DLL1: variants seen among roughly 807,000 people sequenced by gnomAD.
DLL1 encodes delta like canonical Notch ligand 1.
In DLL1, 9 loss-of-function variants were observed where a neutral mutation model predicts 75.1. That is an observed-to-expected ratio of 0.12 (90% CI 0.07 to 0.21). The LOEUF (loss-of-function observed/expected upper bound fraction) is 0.21, where lower values mean the gene tolerates loss of function less well. Among genes scored for constraint, DLL1 ranks in the 10% least tolerant of loss-of-function variants. The pLI is 1.00. For missense variants in DLL1, 837 were observed against 1,007.6 expected, an observed-to-expected ratio of 0.83 and a Z score of 2.29; for synonymous variants, 477 against 418.3, an observed-to-expected ratio of 1.14 and a Z score of -1.71.
In DLL1 at chr6:170,291,015, G is replaced by T. The variant is rs916741086; in HGVS notation, c.-876C>A. On this transcript the variant is annotated 5_prime_UTR_variant, in exon 1 of 11. Transcript: ENST00000366756. ...CAAATCAGCAGCCCCCCAATCTGGC[G>T]AGAGCTGTCACAAAGGAGCCACTTT... 1 of 701,940 alleles carries T rather than the reference G, an allele frequency of 1.4e-6. No homozygotes were observed. The highest frequency in any genetic ancestry group is 1.5e-5 in the South Asian group (1 of 67,588). The allele number at this position is 701,940 out of a possible 1,614,324, so 43.5% of individuals were successfully genotyped here.
chr6:170,284,775 G>C, intron 8 of DLL1, 144 bp downstream of exon 8: 1 of 887,398 alleles, frequency 1.1e-6, no homozygotes. Flanking sequence ...CAGACTCAAA[G>C]ATAGAGTTTC....
At chr6:170,289,466 C>A (rs749121826) in intron 2 of DLL1, 46 bp downstream of exon 2, 5 of 1,524,546 alleles carry the variant, frequency 3.3e-6, no homozygotes, top group East Asian at 5.1e-5. Flanking sequence ...TCCTGCAGCC[C>A]GCCCAGCTTC....
intron 2 of DLL1, chr6:170,289,210 T>A (rs911521151): frequency 4.6e-6 from 3 of 650,538 alleles, no homozygotes; most frequent in Non-Finnish European, 8.4e-6. Context: ...CCTTCCCACG[T>A]GAAGGGGCGC....
intron 2 of DLL1, 167 bp downstream of exon 2, chr6:170,289,345 C>T: frequency 8.6e-7 from 1 of 1,164,852 alleles, no homozygotes; most frequent in Non-Finnish European, 1.2e-6. Flanking sequence ...GGTGTCCGCG[C>T]TGCTGGGCTG....
chr6:170,285,911 A>G (rs950099939), intron 5 of DLL1, among the ~76,000 whole-genome samples: 2 of 152,256 alleles, frequency 1.3e-5, no homozygotes, highest in African/African-American at 4.8e-5. Context: ...CAGTGTCAGC[A>G]TCTCAAAAAT....
At chr6:170,287,510 G>A (rs1466764429) in intron 4 of DLL1, among the ~76,000 whole-genome samples, 1 of 152,210 alleles carries the variant, frequency 6.6e-6, no homozygotes, top group Non-Finnish European at 1.5e-5. Flanking sequence ...AGCCAGCACG[G>A]CCCCAACCCT....
Position 170,283,844 on chromosome 6 carries a change from T to C in DLL1, c.1435A>G (p.Ser479Gly). ...CPPGYTGRNC[S>G]APVSRCEHAP... ...TGCTCGCACCTGCTGACGGGGGCACTGCAGTTCCTGCCCGTGTAGCCAGGC... is the reference window on the plus strand; with the variant it reads ...TGCTCGCACCTGCTGACGGGGGCACCGCAGTTCCTGCCCGTGTAGCCAGGC... Residue 479 changes from serine to glycine, a missense_variant, in exon 9 of 11, where the codon AGT becomes GGT. Around this residue, in one of 2 missense-constraint regions of DLL1, gnomAD observed 533 missense variants for 545.7 expected, o/e 0.98. Transcript: ENST00000366756. 6.2e-7 allele frequency: 1 copy of C among 1,604,424 alleles called. No homozygotes were observed.
chr6:170,286,441 C>G, intron 4 of DLL1, 143 bp from the exon 5 acceptor site: 1 of 1,006,130 alleles, frequency 9.9e-7, no homozygotes, highest in Non-Finnish European at 1.6e-6. Context: ...GGAGGACTGA[C>G]CCCCCTGCCT....
chr6:170,289,037 GT>G lies in DLL1; in HGVS notation c.352-249del, dbSNP rs1262343948. The G allele has an allele frequency of 4.9e-6, 3 of 607,062 alleles. No homozygotes were observed. The African/African-American group carries it at 5.6e-5, about 11-fold the overall frequency. The allele number at this position is 607,062 out of a possible 1,614,324, so 37.6% of individuals were successfully genotyped here. A position where few individuals can be genotyped will look rare whatever the true frequency, so the allele number is the denominator to read the frequency against. On this transcript the variant is annotated intron_variant, in intron 2 of 10. Coordinates refer to ENST00000366756, the MANE Select transcript of DLL1 (RefSeq NM_005618.4). ...AGCCTGTACTACAGGATATTACGTT[GT>G]TTTTTTAATTAGAGAGAGAGAGAGA...
chr6:170,282,708 G>A lies in DLL1; in HGVS notation c.*166C>T, dbSNP rs766480549. On this transcript the variant is annotated 3_prime_UTR_variant, in exon 11 of 11. Coordinates refer to ENST00000366756, the MANE Select transcript of DLL1 (RefSeq NM_005618.4). ...GGCGGCCGGGCCGCGACAGGCTGTC[G>A]GCAGGCGTCGAGGACCTCAGGAGGA... is the stretch of plus-strand genomic sequence containing the variant. 285 of 1,166,942 alleles carry A rather than the reference G, an allele frequency of 2.4e-4. No homozygotes were observed. Among genetic ancestry groups the A allele is most frequent in the Middle Eastern group, 2.0e-3 (7 of 3,526 alleles). The allele number at this position is 1,166,942 out of a possible 1,614,324, so 72.3% of individuals were successfully genotyped here. A position where few individuals can be genotyped will look rare whatever the true frequency, so the allele number is the denominator to read the frequency against.
In DLL1 at chr6:170,285,052, G is replaced by T. The variant is rs757878599; in HGVS notation, c.1116C>A (p.Asp372Glu). The change falls in exon 8 of 11, where the codon GAC becomes GAA. Residue 372 changes from aspartate to glutamate, a missense_variant. Transcript: ENST00000366756. ...ICELSAMTCADGPCFNGGRCS... is the reference protein window; with the variant it reads ...ICELSAMTCAEGPCFNGGRCS... ...ACCGACCCCCGTTAAAGCAAGGGCC[G>T]TCCGCACAGGTCATGGCACTCAATT... 2 of 1,614,024 alleles carry T rather than the reference G, an allele frequency of 1.2e-6. No individual in the cohort carries two copies. Among genetic ancestry groups the T allele is most frequent in the Non-Finnish European group, 1.7e-6 (2 of 1,180,050 alleles).
chr6:170,290,769 T>G lies in DLL1; in HGVS notation c.-630A>C, dbSNP rs1431676923. On this transcript the variant is annotated 5_prime_UTR_variant, in exon 1 of 11. Transcript: ENST00000366756. The surrounding 1 kb of genome is among the most constrained non-coding windows in gnomAD (Gnocchi z 4.7). ...CCGATCTCCGGTGTCACAGCAAAGATCCGCGTCTTTCCGATGAATCCAGCC... is the reference window on the plus strand; with the variant it reads ...CCGATCTCCGGTGTCACAGCAAAGAGCCGCGTCTTTCCGATGAATCCAGCC... 3.9e-6 allele frequency: 2 copies of G among 508,742 alleles called. No individual in the cohort carries two copies. Among genetic ancestry groups the G allele is most frequent in the Admixed American group, 3.5e-5 (1 of 28,696 alleles). The allele number at this position is 508,742 out of a possible 1,614,324, so 31.5% of individuals were successfully genotyped here.
Position 170,288,285 on chromosome 6 carries a change from C to T in DLL1, c.624G>A (p.Gly208=), listed in dbSNP as rs774286075. Residue 208 remains glycine, a synonymous_variant, in exon 4 of 11, where the codon GGG becomes GGA. Transcript: ENST00000366756. The stretch of plus-strand genomic sequence containing the variant: ...TCCAGCCAGGGTTGCACACTTTCTC[C>T]CCACGCTCCCCACAGGTGAAGTGGC... ...AFGHFTCGER[G]EKVCNPGWKG... is the part of the protein sequence containing the mutation. The T allele has an allele frequency of 6.2e-7, 1 of 1,614,028 alleles. No homozygotes were observed. Among genetic ancestry groups the T allele is most frequent in the South Asian group, 1.1e-5 (1 of 91,086 alleles).
At chr6:170,286,572 G>T (rs1012295914) in intron 4 of DLL1, among the ~76,000 whole-genome samples, 3 of 151,724 alleles carry the variant, frequency 2.0e-5, no homozygotes, top group South Asian at 2.1e-4. Context: ...CTAAGAGAGG[G>T]TCAGAAGTCT....
At chr6:170,288,013 C>T (rs370075316) in intron 4 of DLL1, among the ~76,000 whole-genome samples, 56 of 152,234 alleles carry the variant, frequency 3.7e-4, no homozygotes, top group African/African-American at 1.2e-3. Context: ...AAGGCAGTTC[C>T]GATAGTGGAT....
chr6:170,290,683 C>T lies in DLL1; in HGVS notation c.-544G>A, dbSNP rs1783842708. 3.2e-6 allele frequency: 1 copy of T among 309,000 alleles called. No individual in the cohort carries two copies. The highest frequency in any genetic ancestry group is 5.6e-5 in the Admixed American group (1 of 17,956). 19.1% of individuals were successfully genotyped at this position (309,000 alleles called of 1,614,324 possible). ...GCGGCGGCGGGTGTGCGCGGCGGCC[C>T]CTGCGGATCGCGGCCCGGTGTCACT... On this transcript the variant is annotated 5_prime_UTR_variant, in exon 1 of 11. Coordinates refer to ENST00000366756, the MANE Select transcript of DLL1 (RefSeq NM_005618.4). The surrounding 1 kb of genome is among the most constrained non-coding windows in gnomAD (Gnocchi z 4.7).
At chr6:170,289,969 C>T (rs1320940631) in intron 1 of DLL1, 117 bp downstream of exon 1, 3 of 1,332,178 alleles carry the variant, frequency 2.3e-6, no homozygotes, top group East Asian at 3.1e-5. Flanking sequence ...ATTCATCTTC[C>T]GGGCCGTGGC....
chr6:170,290,024 C>A lies in DLL1; in HGVS notation c.54+62G>T, dbSNP rs988894780. ...GTCCGCCCCTCCCCGCGCGCTCCTG[C>A]CCCGCGCCCCGGCTACCCGTGAGAC... On this transcript the variant is annotated intron_variant, in intron 1 of 10. Coordinates refer to ENST00000366756, the MANE Select transcript of DLL1 (RefSeq NM_005618.4). The surrounding 1 kb of genome is among the most constrained non-coding windows in gnomAD (Gnocchi z 4.7). 4 of 1,505,240 alleles carry A rather than the reference C, an allele frequency of 2.7e-6. No homozygotes were observed. The African/African-American group carries it at 5.8e-5, about 22-fold the overall frequency. 93.2% of individuals were successfully genotyped at this position (1,505,240 alleles called of 1,614,324 possible). A position where few individuals can be genotyped will look rare whatever the true frequency, so the allele number is the denominator to read the frequency against.
In DLL1 at chr6:170,284,956, C is replaced by A; in HGVS notation, c.1212G>T (p.Lys404Asn). 1 of 1,614,122 alleles carries A rather than the reference C, an allele frequency of 6.2e-7. No individual in the cohort carries two copies. The highest frequency in any genetic ancestry group is 2.2e-5 in the East Asian group (1 of 44,868). ...PVGYSGFNCE[K>N]KIDYCSSSPC... ...GTGAAGAGCTGCAGTAGTCAATTTT[C>A]TTCTCACAGTTGAAGCCGGAGTAGC... is the stretch of plus-strand genomic sequence containing the variant. The change falls in exon 8 of 11, where the codon AAG becomes AAT. Residue 404 changes from lysine to asparagine, a missense_variant. Around this residue, in one of 2 missense-constraint regions of DLL1, gnomAD observed 533 missense variants for 545.7 expected, o/e 0.98. Coordinates refer to ENST00000366756, the MANE Select transcript of DLL1 (RefSeq NM_005618.4).
Sources: allele counts gnomAD v4.1 joint callset (sites outside exome capture counted in the v4.1 genomes callset), GRCh38; gene constraint gnomAD v4.1.1; regional missense constraint gnomAD v4.1.1; non-coding constraint Gnocchi (gnomAD v3.1); transcripts MANE v1.5; gene names NCBI Gene and HGNC (gene_info 2026-07-23, HGNC 2026-07-21).